Variants in LDHAL6A observed in about 807,000 individuals in gnomAD.
LDHAL6A encodes the protein lactate dehydrogenase A like 6A.
In LDHAL6A, 19 loss-of-function variants were observed where a neutral mutation model predicts 28.2. The ratio of observed to expected loss-of-function variants is 0.67; its 90% CI spans 0.47 to 0.99. LDHAL6A has a LOEUF of 0.99. Among genes scored for constraint, LDHAL6A ranks in the 50% least tolerant of loss-of-function variants. The pLI, the probability that LDHAL6A is intolerant of heterozygous loss-of-function variation, is 0.00. For missense variants in LDHAL6A, 372 were observed against 398.6 expected, an observed-to-expected ratio of 0.93 and a Z score of 0.57; for synonymous variants, 144 against 134.4, an observed-to-expected ratio of 1.07 and a Z score of -0.49.
chr11:18,475,646 C>T lies in LDHAL6A; in HGVS notation c.592+7C>T. 2 of 1,608,108 alleles carry T rather than the reference C, an allele frequency of 1.2e-6. No individual in the cohort carries two copies. Among genetic ancestry groups the T allele is most frequent in the South Asian group, 2.2e-5 (2 of 89,920 alleles). On this transcript the variant is annotated splice_region_variant and intron_variant, in intron 4 of 6. Coordinates refer to ENST00000280706, the MANE Select transcript of LDHAL6A (RefSeq NM_144972.5). ...GAGCATGGCGACTCAAGTGGTAAGC[C>T]TGAGGCACGATTGAGCCTCTGAAAT...
intron 3 of LDHAL6A, among the ~76,000 whole-genome samples, chr11:18,468,008 T>C (rs28773289): frequency 2.9e-5 from 2 of 69,782 alleles, no homozygotes; most frequent in Non-Finnish European, 5.1e-5. Flanking sequence ...TATACGTATA[T>C]ATATACATAT....
In LDHAL6A at chr11:18,467,898, T is replaced by C. The variant is rs190705597; in HGVS notation, c.418+2088T>C. On this transcript the variant is annotated intron_variant, in intron 3 of 6. Coordinates refer to ENST00000280706, the MANE Select transcript of LDHAL6A (RefSeq NM_144972.5). ...ATACACACATATATATATATATATA[T>C]ATATATATATATATATATATACACA... Among the ~76,000 whole-genome samples, 457 of 68,170 alleles carry C rather than the reference T, an allele frequency of 6.7e-3. 37 individuals carry two copies. The highest frequency in any genetic ancestry group is 0.036 in the African/African-American group (420 of 11,680). 44.7% of individuals were successfully genotyped at this position (68,170 alleles called of 152,430 possible). A position where few individuals can be genotyped will look rare whatever the true frequency, so the allele number is the denominator to read the frequency against.
At chr11:18,474,628 C>T (rs991211851) in intron 3 of LDHAL6A, among the ~76,000 whole-genome samples, 14 of 152,062 alleles carry the variant, frequency 9.2e-5, no homozygotes, top group African/African-American at 3.1e-4. Flanking sequence ...CTCAGGTAAT[C>T]CACTGGCTTC....
chr11:18,467,900 T>TATATATATATATACACACACAC (rs1849119180), intron 3 of LDHAL6A, among the ~76,000 whole-genome samples: 7 of 68,968 alleles, frequency 1.0e-4, no homozygotes, highest in African/African-American at 5.8e-4. Context: ...TATATATATA[T>TATATATATATATACACACACAC]ATATATATAT....
chr11:18,477,629 G>T lies in LDHAL6A; in HGVS notation c.720G>T (p.Glu240Asp). 1 of 1,608,320 alleles carries T rather than the reference G, an allele frequency of 6.2e-7. No individual in the cohort carries two copies. Among genetic ancestry groups the T allele is most frequent in the East Asian group, 2.2e-5 (1 of 44,784 alleles). The change falls in exon 6 of 7, where the codon GAG (glutamate) becomes GAT (aspartate). Residue 240 changes from glutamate (E) to aspartate (D), a missense_variant. Transcript: ENST00000280706. ...VHKKVISSGY[E>D]MVKMKGYTSW... Reference sequence around the variant, plus strand: ...TTTCTTCTATCTACAGTGGCTATGAGATGGTCAAAATGAAAGGTTATACTT... The same window carrying T: ...TTTCTTCTATCTACAGTGGCTATGATATGGTCAAAATGAAAGGTTATACTT...
intron 1 of LDHAL6A, among the ~76,000 whole-genome samples, chr11:18,459,393 G>A (rs186838211): frequency 0.024 from 3,705 of 152,260 alleles, 164 homozygotes; most frequent in African/African-American, 0.085. Flanking sequence ...GGTTTGCCAG[G>A]GACTCTCGGG....
At chr11:18,478,046 C>A (rs537772314) in intron 6 of LDHAL6A, among the ~76,000 whole-genome samples, 11 of 152,230 alleles carry the variant, frequency 7.2e-5, no homozygotes, top group African/African-American at 2.4e-4. Flanking sequence ...ATGGGCAGAC[C>A]TTGGTACCTT....
intron 1 of LDHAL6A, among the ~76,000 whole-genome samples, chr11:18,463,266 G>T (rs991907196): frequency 1.2e-4 from 18 of 151,980 alleles, no homozygotes; most frequent in African/African-American, 4.4e-4. Flanking sequence ...CAGGGGAGTG[G>T]GAATGGTAGC....
At chr11:18,469,301 C>T in intron 3 of LDHAL6A, 2 of 493,724 alleles carry the variant, frequency 4.1e-6, no homozygotes, top group Non-Finnish European at 7.2e-6. Context: ...ACGCCTCTAC[C>T]CTCAAAGTAC....
chr11:18,460,992 C>T (rs1848887108), intron 1 of LDHAL6A, among the ~76,000 whole-genome samples: 1 of 152,168 alleles, frequency 6.6e-6, no homozygotes, highest in African/African-American at 2.4e-5. Flanking sequence ...CATGTGCCCC[C>T]ATGCCCAGCT....
At chr11:18,467,900 T>TATATATATATATACACACAC in intron 3 of LDHAL6A, among the ~76,000 whole-genome samples, 1 of 68,972 alleles carries the variant, frequency 1.4e-5, no homozygotes, top group African/African-American at 8.2e-5. Context: ...TATATATATA[T>TATATATATATATACACACAC]ATATATATAT....
rs377538870 is a variant in LDHAL6A, at chr11:18,477,594, AT to A, written c.711-25del. On this transcript the variant is annotated intron_variant, in intron 5 of 6. Coordinates refer to ENST00000280706, the MANE Select transcript of LDHAL6A (RefSeq NM_144972.5). ...TTCAATGACAAGTGCATCTTAACTT[AT>A]GTTTATGGTTTCTTCTATCTACAGT... 6,083 of 1,574,414 alleles carry A rather than the reference AT, an allele frequency of 3.9e-3. 13 individuals are homozygous for A. The highest frequency in any genetic ancestry group is 4.4e-3 in the Non-Finnish European group (5,105 of 1,164,612).
chr11:18,469,150 A>G, intron 3 of LDHAL6A: 1 of 598,026 alleles, frequency 1.7e-6, no homozygotes, highest in Non-Finnish European at 2.9e-6. Flanking sequence ...TTCTGATATG[A>G]CTCAGAGTTG....
At chr11:18,475,224 C>T in intron 3 of LDHAL6A, 1 of 386,938 alleles carries the variant, frequency 2.6e-6, no homozygotes, top group Non-Finnish European at 4.6e-6. Flanking sequence ...TCAGAATTTT[C>T]TGTGGAGTGA....
rs1849124492 is a variant in LDHAL6A, at chr11:18,467,914, T to TAC, written c.418+2105_418+2106insCA. The stretch of plus-strand genomic sequence containing the variant: ...ATATATATATATATATATATATATA[T>TAC]ATATACACACACATATATATATACA... On this transcript the variant is annotated intron_variant, in intron 3 of 6. Transcript: ENST00000280706. Among the ~76,000 whole-genome samples the TAC allele has an allele frequency of 4.7e-5, 3 of 63,904 alleles. 1 individual carries two copies. The highest frequency in any genetic ancestry group is 2.4e-4 in the African/African-American group (3 of 12,674). 41.9% of individuals were successfully genotyped at this position (63,904 alleles called of 152,430 possible).
chr11:18,471,758 CTA>C (rs1180721609), intron 3 of LDHAL6A, among the ~76,000 whole-genome samples: 4 of 121,222 alleles, frequency 3.3e-5, no homozygotes, highest in Admixed American at 1.9e-4. Flanking sequence ...AACCCTGTCT[CTA>C]TTAAAAAAAA....
At chr11:18,475,873 C>T (rs1025513948) in intron 4 of LDHAL6A, among the ~76,000 whole-genome samples, 1 of 152,106 alleles carries the variant, frequency 6.6e-6, no homozygotes, top group African/African-American at 2.4e-5. Context: ...GATTATAACG[C>T]TTTTCTTAAA....
intron 3 of LDHAL6A, among the ~76,000 whole-genome samples, chr11:18,472,073 G>A (rs570019723): frequency 2.0e-5 from 3 of 152,060 alleles, no homozygotes; most frequent in South Asian, 2.1e-4. Flanking sequence ...TAGAAAATGC[G>A]GTTGGGTACC....
Position 18,456,597 on chromosome 11 carries a change from C to A in LDHAL6A, c.-84C>A. 7.5e-7 allele frequency: 1 copy of A among 1,325,470 alleles called. No homozygotes were observed. The highest frequency in any genetic ancestry group is 1.1e-6 in the Non-Finnish European group (1 of 928,470). The allele number at this position is 1,325,470 out of a possible 1,614,324, so 82.1% of individuals were successfully genotyped here. A position where few individuals can be genotyped will look rare whatever the true frequency, so the allele number is the denominator to read the frequency against. ...AGGAGTTCTCTATACGCGCTCTCAC[C>A]GCAGGTCTTGGAATTCCAAGCCATT... is the stretch of plus-strand genomic sequence containing the variant. On this transcript the variant is annotated 5_prime_UTR_variant, in exon 1 of 7. Transcript: ENST00000280706.
Sources: allele counts gnomAD v4.1 joint callset (sites outside exome capture counted in the v4.1 genomes callset), GRCh38; gene constraint gnomAD v4.1.1; transcripts MANE v1.5; gene names NCBI Gene and HGNC (gene_info 2026-07-23, HGNC 2026-07-21).